The following KCNB2 variants were observed in gnomAD, a reference collection of about 807,000 sequenced individuals.
KCNB2 encodes the protein delayed rectifier potassium channel protein.
A neutral mutation model predicts 61.5 loss-of-function variants in KCNB2; 15 were observed. The observed-to-expected ratio is 0.24, with a 90% CI of 0.16 to 0.38. KCNB2 has a LOEUF of 0.38. KCNB2 is among the 10% of genes least tolerant of loss of function. The pLI is 1.00. For missense variants in KCNB2, 828 were observed against 1,125.2 expected (o/e 0.74, Z 3.78); for synonymous variants, 457 against 446.0 (o/e 1.02, Z -0.31).
chr8:72,930,054 G>T (rs1044846890), intron 2 of KCNB2, among the ~76,000 whole-genome samples: 1 of 149,466 alleles, frequency 6.7e-6, no homozygotes, highest in African/African-American at 2.5e-5. Flanking sequence ...GCAATGTTTG[G>T]TTTTTTGTCC....
intron 2 of KCNB2, among the ~76,000 whole-genome samples, chr8:72,867,906 C>G (rs1165720481): frequency 1.3e-5 from 2 of 152,092 alleles, no homozygotes; most frequent in East Asian, 3.9e-4. Context: ...TGGCTGTTAT[C>G]TTCTTTCTGC....
chr8:72,573,538 C>A (rs900126204), intron 2 of KCNB2, among the ~76,000 whole-genome samples: 1 of 152,122 alleles, frequency 6.6e-6, no homozygotes, highest in Non-Finnish European at 1.5e-5. Flanking sequence ...TTCTGTGTAC[C>A]GTGCAGTGCT....
At chr8:72,863,705 G>A (rs1250576648) in intron 2 of KCNB2, among the ~76,000 whole-genome samples, 1 of 152,188 alleles carries the variant, frequency 6.6e-6, no homozygotes, top group East Asian at 1.9e-4. Flanking sequence ...ATGTGACAAG[G>A]TATGTAAAAA....
intron 1 of KCNB2, among the ~76,000 whole-genome samples, chr8:72,545,693 G>A (rs955058042): frequency 1.3e-5 from 2 of 152,104 alleles, no homozygotes; most frequent in Non-Finnish European, 2.9e-5. Context: ...AGAATCACAT[G>A]TCTGTCACTT....
At chr8:72,778,733 CAAAAAAAAAAAAAAA>C (rs753797385) in intron 2 of KCNB2, among the ~76,000 whole-genome samples, 220 of 14,172 alleles carry the variant, frequency 0.016, 4 homozygotes, top group African/African-American at 0.024. Context: ...ACAGAGCGAG[CAAAAAAAAAAAAAAA>C]AAAAAAAAAA....
chr8:72,931,225 G>A (rs1806776903), intron 2 of KCNB2, among the ~76,000 whole-genome samples: 1 of 152,150 alleles, frequency 6.6e-6, no homozygotes, highest in Non-Finnish European at 1.5e-5. Flanking sequence ...TTGAAGTCAG[G>A]TAGCATGATG....
chr8:72,641,342 G>C (rs1337236839), intron 2 of KCNB2, among the ~76,000 whole-genome samples: 1 of 151,880 alleles, frequency 6.6e-6, no homozygotes, highest in Non-Finnish European at 1.5e-5. Flanking sequence ...CACTATCCAG[G>C]TGAGTTAAAT....
intron 2 of KCNB2, among the ~76,000 whole-genome samples, chr8:72,894,974 T>C (rs138660295): frequency 0.01 from 1,547 of 152,252 alleles, 22 homozygotes; most frequent in African/African-American, 0.035. Flanking sequence ...GTGCAGGGAC[T>C]GAGATCATAA....
chr8:72,850,441 GA>G (rs887424468), intron 2 of KCNB2, among the ~76,000 whole-genome samples: 3 of 152,064 alleles, frequency 2.0e-5, no homozygotes, highest in African/African-American at 7.2e-5. Context: ...GGCTGGCCCT[GA>G]ACTCCTGGGC....
chr8:72,577,669 C>T (rs1585762367), intron 2 of KCNB2, among the ~76,000 whole-genome samples: 1 of 152,114 alleles, frequency 6.6e-6, no homozygotes, highest in South Asian at 2.1e-4. Context: ...TTGGGTCACT[C>T]GTGATGCAAC....
At chr8:72,856,304 A>T (rs1200196741) in intron 2 of KCNB2, among the ~76,000 whole-genome samples, 1 of 152,192 alleles carries the variant, frequency 6.6e-6, no homozygotes, top group Non-Finnish European at 1.5e-5. Flanking sequence ...AATCTAGTGC[A>T]TATTTTACAC....
In KCNB2 at chr8:72,934,394, C is replaced by CAAAAAAA. The variant is rs11392513; in HGVS notation, c.580-1527_580-1521dup. On this transcript the variant is annotated intron_variant, in intron 2 of 2. Transcript: ENST00000523207. ...AAAACCTTTCCCCCTTCACCCCCCGCAAAAAAAAAAAAAAAAAAAAGTAAA... is the reference window on the plus strand; with the variant it reads ...AAAACCTTTCCCCCTTCACCCCCCGCAAAAAAAAAAAAAAAAAAAAAAAAAAAGTAAA... Among the ~76,000 whole-genome samples, 19 of 83,768 alleles carry CAAAAAAA rather than the reference C, an allele frequency of 2.3e-4. 1 individual carries two copies. The highest frequency in any genetic ancestry group is 1.1e-3 in the East Asian group (3 of 2,802). The allele number at this position is 83,768 out of a possible 152,430, so 55.0% of individuals were successfully genotyped here.
intron 2 of KCNB2, among the ~76,000 whole-genome samples, chr8:72,767,025 C>T (rs1808470669): frequency 1.3e-5 from 2 of 152,096 alleles, no homozygotes; most frequent in Non-Finnish European, 2.9e-5. Flanking sequence ...CTGATAAACT[C>T]ATCAGATCTC....
chr8:72,863,700 A>C (rs1486470592), intron 2 of KCNB2, among the ~76,000 whole-genome samples: 1 of 152,222 alleles, frequency 6.6e-6, no homozygotes, highest in Non-Finnish European at 1.5e-5. Flanking sequence ...TGAAAATGTG[A>C]CAAGGTATGT....
intron 2 of KCNB2, among the ~76,000 whole-genome samples, chr8:72,811,104 G>A (rs1249510893): frequency 6.7e-6 from 1 of 149,498 alleles, no homozygotes; most frequent in Non-Finnish European, 1.5e-5. Context: ...GAATGTTTCA[G>A]TTACCTGGAA....
chr8:72,722,166 C>T (rs1034102803), intron 2 of KCNB2, among the ~76,000 whole-genome samples: 1 of 152,194 alleles, frequency 6.6e-6, no homozygotes, highest in African/African-American at 2.4e-5. Flanking sequence ...ATCATCTGTG[C>T]AGGCTATCCT....
chr8:72,567,487 C>CGT (rs1806641583), intron 1 of KCNB2, among the ~76,000 whole-genome samples, 155 bp from the exon 2 acceptor site: 2 of 152,062 alleles, frequency 1.3e-5, no homozygotes, highest in Non-Finnish European at 2.9e-5. Context: ...AGCAAAGACA[C>CGT]ATATCTCCAA....
At chr8:72,607,837 T>C (rs1321635930) in intron 2 of KCNB2, among the ~76,000 whole-genome samples, 2 of 152,214 alleles carry the variant, frequency 1.3e-5, no homozygotes, top group Non-Finnish European at 2.9e-5. Flanking sequence ...TAAAATTTAA[T>C]TTGTGTAACA....
chr8:72,612,815 A>G (rs1399094781), intron 2 of KCNB2, among the ~76,000 whole-genome samples: 2 of 152,144 alleles, frequency 1.3e-5, no homozygotes, highest in Non-Finnish European at 2.9e-5. Flanking sequence ...GCTTGCTAAG[A>G]ATTATTTTTT....
Sources: gnomAD v4.1 joint callset for allele counts (sites outside exome capture counted in the v4.1 genomes callset) on GRCh38, gnomAD v4.1.1 for gene constraint, MANE v1.5 for transcripts, NCBI Gene and HGNC (gene_info 2026-07-23, HGNC 2026-07-21) for gene names.